ATXN7L1: variants seen among roughly 807,000 people sequenced by gnomAD.
ATXN7L1 encodes ataxin 7 like 1, also known as ataxin-7-like protein 1.
ATXN7L1 carries 15 observed loss-of-function variants against 70.8 expected under a neutral mutation model. That is an observed-to-expected ratio of 0.21 (90% CI 0.14 to 0.33). The LOEUF is 0.33. Ranked by LOEUF, ATXN7L1 falls within the 10% of genes least tolerant of loss-of-function variation. The probability of loss-of-function intolerance (pLI) is 1.00; values close to 1 mark genes in which losing one functional copy is unlikely to be tolerated. For synonymous variants in ATXN7L1, 440 were observed against 445.1 expected (o/e 0.99, Z 0.14); for missense variants, 975 against 1,097.1 (o/e 0.89, Z 1.57).
At chr7:105,807,292 A>G (rs1807754694) in intron 2 of ATXN7L1, among the ~76,000 whole-genome samples, 1 of 152,228 alleles carries the variant, frequency 6.6e-6, no homozygotes, top group Non-Finnish European at 1.5e-5. Context: ...TAGAAAAGTC[A>G]AGTCACCTGC....
intron 3 of ATXN7L1, among the ~76,000 whole-genome samples, chr7:105,757,064 C>T (rs1317521061): frequency 6.6e-6 from 1 of 152,244 alleles, no homozygotes; most frequent in East Asian, 1.9e-4. Context: ...AAAACCATCA[C>T]AGCATTAGTT....
chr7:105,813,441 G>A (rs186038266), intron 2 of ATXN7L1, among the ~76,000 whole-genome samples: 205 of 151,266 alleles, frequency 1.4e-3, no homozygotes, highest in African/African-American at 4.7e-3. Flanking sequence ...AGGTTCAAGC[G>A]ATTCTCCTGC....
intron 7 of ATXN7L1, among the ~76,000 whole-genome samples, chr7:105,635,844 G>A (rs1327345627): frequency 7.1e-6 from 1 of 140,210 alleles, no homozygotes; most frequent in Non-Finnish European, 1.6e-5. Flanking sequence ...ATGTGCGATA[G>A]TTTTTTTTTT....
At chr7:105,801,310 A>C (rs933767911) in intron 2 of ATXN7L1, among the ~76,000 whole-genome samples, 4 of 152,228 alleles carry the variant, frequency 2.6e-5, no homozygotes, top group Non-Finnish European at 5.9e-5. Flanking sequence ...AGCAAACAGT[A>C]GATGAGGGCT....
At chr7:105,792,048 G>A (rs140672210) in intron 2 of ATXN7L1, among the ~76,000 whole-genome samples, 1 of 152,174 alleles carries the variant, frequency 6.6e-6, no homozygotes, top group Non-Finnish European at 1.5e-5. Context: ...TGCCACTGAC[G>A]CCCCATTCTT....
At chr7:105,619,710 C>T (rs1351238052) in intron 9 of ATXN7L1, among the ~76,000 whole-genome samples, 5 of 150,838 alleles carry the variant, frequency 3.3e-5, no homozygotes, top group Non-Finnish European at 7.4e-5. Context: ...TGTCATTACA[C>T]CCAGCTAATT....
intron 3 of ATXN7L1, among the ~76,000 whole-genome samples, chr7:105,761,751 C>A (rs879636063): frequency 6.6e-6 from 1 of 152,150 alleles, no homozygotes; most frequent in African/African-American, 2.4e-5. Context: ...AATTCCTATA[C>A]CTTTTTAATG....
chr7:105,633,071 A>G lies in ATXN7L1; in HGVS notation c.1202+5282T>C, dbSNP rs1053072989. Among the ~76,000 whole-genome samples the G allele has an allele frequency of 1.4e-4, 22 of 152,316 alleles. No individual in the cohort carries two copies. The South Asian group carries it at 1.4e-3, about 10-fold the overall frequency. ...ACTTCTTGATAAAATTTTCAATGTT[A>G]CAAGTCAATGAAAAAATGTCTTCAA... On this transcript the variant is annotated intron_variant, in intron 7 of 11. Transcript: ENST00000419735.
At chr7:105,610,185 G>A (rs925680134) in intron 11 of ATXN7L1, among the ~76,000 whole-genome samples, 3 of 152,178 alleles carry the variant, frequency 2.0e-5, no homozygotes, top group Admixed American at 1.3e-4. Context: ...GGTAATGTGC[G>A]TACGCTCATA....
chr7:105,728,278 T>C (rs1275769120), intron 3 of ATXN7L1, among the ~76,000 whole-genome samples: 1 of 152,198 alleles, frequency 6.6e-6, no homozygotes, highest in Non-Finnish European at 1.5e-5. Flanking sequence ...AAAGTGAATA[T>C]AAGCACTGTC....
intron 3 of ATXN7L1, among the ~76,000 whole-genome samples, chr7:105,743,944 T>C (rs1798291009): frequency 6.6e-6 from 1 of 152,212 alleles, no homozygotes; most frequent in African/African-American, 2.4e-5. Flanking sequence ...TTAAGTCTTG[T>C]TTTGAGCAAA....
At chr7:105,612,764 T>C (rs1240351767) in intron 10 of ATXN7L1, among the ~76,000 whole-genome samples, 1 of 152,224 alleles carries the variant, frequency 6.6e-6, no homozygotes, top group East Asian at 1.9e-4. Flanking sequence ...GTGTTTGTGA[T>C]TTGTGAATCC....
At chr7:105,646,739 G>A (rs936182253) in intron 4 of ATXN7L1, among the ~76,000 whole-genome samples, 1 of 142,596 alleles carries the variant, frequency 7.0e-6, no homozygotes. Flanking sequence ...TTTGAGACCA[G>A]CCTGGACAAC....
intron 3 of ATXN7L1, among the ~76,000 whole-genome samples, chr7:105,733,561 T>A (rs796649611): frequency 2.1e-5 from 1 of 48,134 alleles, no homozygotes; most frequent in Non-Finnish European, 4.6e-5. Flanking sequence ...CATCCACCCA[T>A]CCATCCTTCC....
chr7:105,712,211 A>T (rs1338801599), intron 3 of ATXN7L1, among the ~76,000 whole-genome samples: 1 of 152,068 alleles, frequency 6.6e-6, no homozygotes, highest in Non-Finnish European at 1.5e-5. Flanking sequence ...GGCCCACAAA[A>T]CCATTTTTTC....
At chr7:105,734,455 A>C (rs1797153990) in intron 3 of ATXN7L1, among the ~76,000 whole-genome samples, 1 of 152,178 alleles carries the variant, frequency 6.6e-6, no homozygotes, top group Non-Finnish European at 1.5e-5. Flanking sequence ...GTTGGACAGA[A>C]ATCAGGACAG....
intron 3 of ATXN7L1, among the ~76,000 whole-genome samples, chr7:105,677,180 C>T (rs1804811764): frequency 6.6e-6 from 1 of 152,214 alleles, no homozygotes; most frequent in Non-Finnish European, 1.5e-5. Context: ...TTAAAAGGTC[C>T]TGAGGTGATT....
chr7:105,709,644 CT>C (rs1793635330), intron 3 of ATXN7L1, among the ~76,000 whole-genome samples: 1 of 152,166 alleles, frequency 6.6e-6, no homozygotes, highest in Admixed American at 6.5e-5. Context: ...CAATCCTGAA[CT>C]GGGTTACTCT....
chr7:105,860,128 A>ATAT (rs1816360529), intron 2 of ATXN7L1, among the ~76,000 whole-genome samples: 2 of 70,798 alleles, frequency 2.8e-5, no homozygotes, highest in East Asian at 5.2e-4. Flanking sequence ...TTTATATGTA[A>ATAT]ATATATATAT....
Sources: allele counts gnomAD v4.1 joint callset (sites outside exome capture counted in the v4.1 genomes callset), GRCh38; gene constraint gnomAD v4.1.1; transcripts MANE v1.5; gene names NCBI Gene and HGNC (gene_info 2026-07-23, HGNC 2026-07-21).